NXPE2: variants seen among roughly 807,000 people sequenced by gnomAD.
The protein encoded by NXPE2 is neurexophilin and PC-esterase domain family member 2, also known as NXPE family member 2.
NXPE2 carries 34 observed loss-of-function variants against 34.4 expected under a neutral mutation model. The ratio of observed to expected loss-of-function variants is 0.99; its 90% CI spans 0.75 to 1.31. The LOEUF (loss-of-function observed/expected upper bound fraction) is 1.31, where lower values mean the gene tolerates loss of function less well. NXPE2 is among the 40% of genes most tolerant of loss of function. NXPE2 has a pLI of 0.00. For missense variants in NXPE2, 649 were observed against 672.5 expected (o/e 0.97, Z 0.39); for synonymous variants, 235 against 231.3 (o/e 1.02, Z -0.15).
At chr11:114,798,786 T>C in the NXPE2 span, among the ~76,000 whole-genome samples, 1 of 152,348 alleles carries the variant, frequency 6.6e-6, no homozygotes, top group Admixed American at 6.5e-5. Context: ...TTTGTGTTGC[T>C]CTAGTCTTTG....
chr11:114,609,692 G>A, the NXPE2 span, among the ~76,000 whole-genome samples: 31 of 148,802 alleles, frequency 2.1e-4, no homozygotes, highest in African/African-American at 7.2e-4. Context: ...ATTTCCTCAT[G>A]GGTAACCACT....
the NXPE2 span, among the ~76,000 whole-genome samples, chr11:114,609,208 C>A: frequency 2.0e-5 from 3 of 146,850 alleles, no homozygotes; most frequent in South Asian, 6.5e-4. Context: ...CATTACCCAC[C>A]AGATACTGAG....
the NXPE2 span, among the ~76,000 whole-genome samples, chr11:114,618,012 G>T: frequency 1.3e-5 from 2 of 151,070 alleles, no homozygotes; most frequent in African/African-American, 2.4e-5. Context: ...AGTGTTACCC[G>T]CTGGATAATA....
the NXPE2 span, among the ~76,000 whole-genome samples, chr11:114,636,781 G>T: frequency 6.6e-6 from 1 of 152,082 alleles, no homozygotes; most frequent in Non-Finnish European, 1.5e-5. Flanking sequence ...TTTTGAGTGA[G>T]TTTCTTAATC....
At chr11:114,554,452 C>T in the NXPE2 span, 1 of 863,038 alleles carries the variant, frequency 1.2e-6, no homozygotes, top group Non-Finnish European at 1.4e-6. Flanking sequence ...CTTTGATAAT[C>T]AGTCCTATGA....
At chr11:114,705,078 A>G (rs1951446150) in intron 4 of NXPE2, among the ~76,000 whole-genome samples, 1 of 152,152 alleles carries the variant, frequency 6.6e-6, no homozygotes, top group Non-Finnish European at 1.5e-5. Context: ...GTGCATTTTA[A>G]GTGGTGAATA....
At chr11:114,735,634 C>T in the NXPE2 span, among the ~76,000 whole-genome samples, 2 of 152,170 alleles carry the variant, frequency 1.3e-5, no homozygotes, top group African/African-American at 4.8e-5. Flanking sequence ...TCATTGTCAT[C>T]ATTCATATGT....
chr11:114,753,252 G>A, the NXPE2 span, among the ~76,000 whole-genome samples: 1 of 152,054 alleles, frequency 6.6e-6, no homozygotes, highest in African/African-American at 2.4e-5. Context: ...AGTTAGCTGG[G>A]TGTGCTGGCA....
the NXPE2 span, among the ~76,000 whole-genome samples, chr11:114,480,543 A>G: frequency 6.6e-6 from 1 of 152,196 alleles, no homozygotes; most frequent in Non-Finnish European, 1.5e-5. Context: ...TGAAAAATGG[A>G]GAGCAATGAG....
the NXPE2 span, among the ~76,000 whole-genome samples, chr11:114,551,604 G>T: frequency 6.6e-6 from 1 of 152,170 alleles, no homozygotes; most frequent in African/African-American, 2.4e-5. Context: ...GAATATGCTC[G>T]TATTACAAAA....
the NXPE2 span, among the ~76,000 whole-genome samples, chr11:114,534,721 G>A: frequency 6.6e-6 from 1 of 152,184 alleles, no homozygotes; most frequent in East Asian, 1.9e-4. Flanking sequence ...GAAGCATGAA[G>A]AGAAGTTTGG....
At chr11:114,509,822 T>C in the NXPE2 span, among the ~76,000 whole-genome samples, 3 of 151,882 alleles carry the variant, frequency 2.0e-5, no homozygotes, top group African/African-American at 7.3e-5. Flanking sequence ...AACTATTGGG[T>C]ACTAGGTTTA....
the NXPE2 span, among the ~76,000 whole-genome samples, chr11:114,780,038 C>T: frequency 2.0e-5 from 3 of 152,164 alleles, no homozygotes; most frequent in Non-Finnish European, 2.9e-5. Context: ...ATATCACAGA[C>T]GAAACCAGCA....
chr11:114,625,350 A>T, the NXPE2 span, among the ~76,000 whole-genome samples: 2 of 152,138 alleles, frequency 1.3e-5, no homozygotes, highest in East Asian at 3.9e-4. Flanking sequence ...TACTGGGTGT[A>T]TAATAAGTAT....
chr11:114,619,691 G>A, the NXPE2 span, among the ~76,000 whole-genome samples: 2 of 151,998 alleles, frequency 1.3e-5, no homozygotes, highest in Non-Finnish European at 2.9e-5. Context: ...GTTTCCCAGT[G>A]GATAATAAGT....
chr11:114,583,584 A>G, the NXPE2 span: 25 of 595,472 alleles, frequency 4.2e-5, no homozygotes, highest in Admixed American at 3.2e-4. Flanking sequence ...GACTTCTGTC[A>G]GTTGTCTACT....
At chr11:114,552,224 A>G in the NXPE2 span, 1 of 152,292 alleles carries the variant, frequency 6.6e-6, no homozygotes, top group South Asian at 2.1e-4. Flanking sequence ...CTTCTGATTG[A>G]TCTATGACTT....
the NXPE2 span, among the ~76,000 whole-genome samples, chr11:114,635,714 T>C: frequency 6.6e-6 from 1 of 152,014 alleles, no homozygotes; most frequent in Admixed American, 6.6e-5. Context: ...CTGCATCTAT[T>C]GAGATAATCA....
At chr11:114,713,328 A>G in the NXPE2 span, among the ~76,000 whole-genome samples, 3 of 152,222 alleles carry the variant, frequency 2.0e-5, no homozygotes, top group Non-Finnish European at 4.4e-5. Context: ...TAACTTTTAA[A>G]AACCCTCATG....
Sources: gnomAD v4.1 joint callset for allele counts (sites outside exome capture counted in the v4.1 genomes callset) on GRCh38, gnomAD v4.1.1 for gene constraint, MANE v1.5 for transcripts, NCBI Gene and HGNC (gene_info 2026-07-23, HGNC 2026-07-21) for gene names.